The following CCDC171 variants were observed in gnomAD, a reference collection of about 807,000 sequenced individuals.
CCDC171 encodes coiled-coil domain-containing protein 171.
CCDC171 carries 177 observed loss-of-function variants against 168.2 expected under a neutral mutation model. The ratio of observed to expected loss-of-function variants is 1.05; its 90% CI spans 0.93 to 1.19. The LOEUF (loss-of-function observed/expected upper bound fraction) is 1.19, where lower values mean the gene tolerates loss of function less well. CCDC171 is among the 50% of genes most tolerant of loss of function. The pLI, the probability that CCDC171 is intolerant of heterozygous loss-of-function variation, is 0.00. For synonymous variants in CCDC171, 687 were observed against 540.8 expected, an observed-to-expected ratio of 1.27 and a Z score of -3.75; for missense variants, 1,991 against 1,539.0, an observed-to-expected ratio of 1.29 and a Z score of -4.91.
At chr9:15,844,420 G>C (rs917001536) in intron 21 of CCDC171, among the ~76,000 whole-genome samples, 2 of 151,834 alleles carry the variant, frequency 1.3e-5, no homozygotes, top group Middle Eastern at 3.2e-3. Flanking sequence ...TTAAGTATTA[G>C]GGAAAAGACG....
chr9:16,035,485 C>T (rs1198177409), exon 7 of CCDC171: 1 of 152,162 alleles, frequency 6.6e-6, no homozygotes, highest in Non-Finnish European at 1.5e-5. Context: ...CCACCTGTGA[C>T]AGCGCTCTTA....
At chr9:15,677,879 CATATATAT>C (rs71325929) in intron 9 of CCDC171, among the ~76,000 whole-genome samples, 18 of 12,480 alleles carry the variant, frequency 1.4e-3, no homozygotes, top group Non-Finnish European at 1.7e-3. Context: ...GTGTGTGTGT[CATATATAT>C]ATATATATAT....
At chr9:15,964,706 C>T (rs1830636277) in intron 25 of CCDC171, among the ~76,000 whole-genome samples, 1 of 152,134 alleles carries the variant, frequency 6.6e-6, no homozygotes, top group Admixed American at 6.6e-5. Context: ...TTGTCAGGCA[C>T]AAGGTATCTT....
At chr9:15,601,069 C>T (rs980054367) in intron 6 of CCDC171, among the ~76,000 whole-genome samples, 20 of 152,196 alleles carry the variant, frequency 1.3e-4, no homozygotes, top group African/African-American at 4.8e-4. Flanking sequence ...AATTCCCTGA[C>T]CCCTTGTGCC....
intron 6 of CCDC171, among the ~76,000 whole-genome samples, chr9:15,596,907 A>T (rs577893976): frequency 6.6e-6 from 1 of 152,296 alleles, no homozygotes; most frequent in Non-Finnish European, 1.5e-5. Context: ...CTTTGAAGCA[A>T]TTGTGAATGA....
chr9:15,557,865 G>T (rs1329768173), intron 1 of CCDC171, among the ~76,000 whole-genome samples: 1 of 152,068 alleles, frequency 6.6e-6, no homozygotes, highest in Non-Finnish European at 1.5e-5. Flanking sequence ...TATGATATTG[G>T]CTGTGGGTTT....
chr9:15,663,833 C>T (rs564762959), intron 8 of CCDC171, among the ~76,000 whole-genome samples: 9 of 152,180 alleles, frequency 5.9e-5, no homozygotes, highest in African/African-American at 2.2e-4. Context: ...GTCTCGATCT[C>T]CTAACCTCAT....
intron 11 of CCDC171, among the ~76,000 whole-genome samples, chr9:15,698,914 A>T (rs1415569882): frequency 6.6e-6 from 1 of 152,166 alleles, no homozygotes; most frequent in African/African-American, 2.4e-5. Flanking sequence ...TATCTTGGTT[A>T]TTGTGAATAA....
At chr9:16,036,754 T>G (rs1197445720) in intron 8 of CCDC171, among the ~76,000 whole-genome samples, 1 of 152,236 alleles carries the variant, frequency 6.6e-6, no homozygotes, top group Non-Finnish European at 1.5e-5. Flanking sequence ...TTACTTGGGT[T>G]TGAGGTTTGA....
chr9:15,568,267 CT>C (rs554021809), intron 2 of CCDC171, among the ~76,000 whole-genome samples: 4,338 of 126,824 alleles, frequency 0.034, 58 homozygotes, highest in South Asian at 0.083. Flanking sequence ...TCCAATACAT[CT>C]TTTTTTTTTT....
At chr9:15,610,969 T>C (rs2043641895) in intron 6 of CCDC171, among the ~76,000 whole-genome samples, 1 of 152,122 alleles carries the variant, frequency 6.6e-6, no homozygotes, top group South Asian at 2.1e-4. Context: ...CATATTGAAA[T>C]GTAATCACCA....
downstream of CCDC171, among the ~76,000 whole-genome samples, chr9:16,064,581 G>GCTGT (rs1362752898): frequency 3.9e-5 from 6 of 152,164 alleles, no homozygotes; most frequent in Non-Finnish European, 5.9e-5. Context: ...TGCCTGGTGA[G>GCTGT]CTGTCACTTG....
Position 15,706,252 on chromosome 9 carries a change from C to G in CCDC171, c.1318+10915C>G, listed in dbSNP as rs190722762. On this transcript the variant is annotated intron_variant, in intron 11 of 25. Transcript: ENST00000380701. ...TCCTTCCTTCCTTCCTTGCTTCCTT[C>G]CTTCCTTCCTTCCTTCCTTTCTTCC... Among the ~76,000 whole-genome samples the G allele has an allele frequency of 1.3e-4, 19 of 148,440 alleles. 1 individual carries two copies. The highest frequency in any genetic ancestry group is 6.3e-4 in the South Asian group (3 of 4,736).
At chr9:15,823,338 TAAAAA>T (rs1253327869) in intron 21 of CCDC171, among the ~76,000 whole-genome samples, 1 of 152,028 alleles carries the variant, frequency 6.6e-6, no homozygotes, top group Admixed American at 6.6e-5. Context: ...AATAAAATAT[TAAAAA>T]AAGAAAAGGT....
chr9:15,859,100 A>G (rs1244472106), intron 23 of CCDC171, among the ~76,000 whole-genome samples: 1 of 152,000 alleles, frequency 6.6e-6, no homozygotes, highest in African/African-American at 2.4e-5. Context: ...ATGAAAGGCT[A>G]TTGAATTTTT....
chr9:15,827,360 A>G (rs987903860), intron 21 of CCDC171, among the ~76,000 whole-genome samples: 2 of 152,114 alleles, frequency 1.3e-5, no homozygotes, highest in African/African-American at 4.8e-5. Flanking sequence ...CCCACCTTGT[A>G]TTGTAGTGGT....
At chr9:15,939,927 C>G (rs554217746) in intron 25 of CCDC171, among the ~76,000 whole-genome samples, 3 of 151,950 alleles carry the variant, frequency 2.0e-5, no homozygotes, top group East Asian at 3.9e-4. Context: ...TGGATAATTT[C>G]ATGATAACTT....
chr9:15,727,344 G>T lies in CCDC171; in HGVS notation c.1693-525G>T, dbSNP rs573589370. Among the ~76,000 whole-genome samples the T allele has an allele frequency of 9.4e-4, 143 of 152,318 alleles. 1 individual carries two copies. The Middle Eastern group carries it at 0.01, about 11-fold the overall frequency. Reference sequence around the variant, plus strand: ...AAGTAAACTGGATTCTCTGGAGGAAGAAGAAAGCTGAGTAATTGTGTCCAT... The same window carrying T: ...AAGTAAACTGGATTCTCTGGAGGAATAAGAAAGCTGAGTAATTGTGTCCAT... On this transcript the variant is annotated intron_variant, in intron 14 of 25. Transcript: ENST00000380701.
chr9:15,947,740 G>T (rs1828586450), intron 25 of CCDC171, among the ~76,000 whole-genome samples: 1 of 151,722 alleles, frequency 6.6e-6, no homozygotes, highest in Non-Finnish European at 1.5e-5. Context: ...GAAATTACTG[G>T]ATCATTTGGT....
Sources: gnomAD v4.1 joint callset for allele counts (sites outside exome capture counted in the v4.1 genomes callset) on GRCh38, gnomAD v4.1.1 for gene constraint, MANE v1.5 for transcripts, NCBI Gene and HGNC (gene_info 2026-07-23, HGNC 2026-07-21) for gene names.